MYCBP2: variants seen among roughly 807,000 people sequenced by gnomAD.
MYCBP2 encodes MYC binding protein 2.
A neutral mutation model predicts 525.3 loss-of-function variants in MYCBP2; 120 were observed. That is an observed-to-expected ratio of 0.23 (90% confidence interval 0.20 to 0.27). MYCBP2 has a LOEUF of 0.27. Ranked by LOEUF, MYCBP2 falls within the 10% of genes least tolerant of loss-of-function variation. The probability of loss-of-function intolerance (pLI) is 1.00; values close to 1 mark genes in which losing one functional copy is unlikely to be tolerated. For missense variants in MYCBP2, 4,149 were observed against 5,657.1 expected (o/e 0.73, Z 8.55); for synonymous variants, 1,894 against 1,955.8 (o/e 0.97, Z 0.83).
chr13:77,200,610 A>T (rs921910166), intron 26 of MYCBP2, among the ~76,000 whole-genome samples: 1 of 152,182 alleles, frequency 6.6e-6, no homozygotes, highest in African/African-American at 2.4e-5. Context: ...CAAAGTTGAA[A>T]TGAAGGAAAA....
chr13:77,082,931 A>G lies in MYCBP2; in HGVS notation c.11036+101T>C, dbSNP rs993159833. 1.5e-5 allele frequency: 17 copies of G among 1,170,762 alleles called. No homozygotes were observed. In the East Asian group the frequency reaches 2.2e-4, roughly 15 times the overall value. 72.5% of individuals were successfully genotyped at this position (1,170,762 alleles called of 1,614,324 possible). On this transcript the variant is annotated intron_variant, in intron 63 of 82. Coordinates refer to ENST00000544440, the MANE Select transcript of MYCBP2 (RefSeq NM_015057.5). ...ACCATCTATATAATGTAGGGATTCT[A>G]TCTTACTATTTAAAGAGCTTTTTTT...
intron 52 of MYCBP2, among the ~76,000 whole-genome samples, chr13:77,127,404 T>C (rs1284231660): frequency 6.6e-6 from 1 of 151,912 alleles, no homozygotes; most frequent in Admixed American, 6.6e-5. Flanking sequence ...ATAATAACCT[T>C]TCCATATTTT....
At chr13:77,246,662 C>A in intron 15 of MYCBP2, among the ~76,000 whole-genome samples, 4 of 133,834 alleles carry the variant, frequency 3.0e-5, no homozygotes, top group African/African-American at 2.8e-5. Context: ...GGGAGAGGGG[C>A]AGGGGGAGGC....
At chr13:77,273,407 G>A (rs1180451126) in intron 5 of MYCBP2, 65 bp downstream of exon 5, 1 of 1,417,552 alleles carries the variant, frequency 7.1e-7, no homozygotes, top group Non-Finnish European at 9.5e-7. Flanking sequence ...CCTATTGACA[G>A]AAATTGAGAC....
intron 22 of MYCBP2, 134 bp downstream of exon 22, chr13:77,211,822 C>CT (rs2064052752): frequency 1.4e-6 from 1 of 702,796 alleles, no homozygotes; most frequent in Admixed American, 2.9e-5. Flanking sequence ...CATTTACAGG[C>CT]TTTGTTTAAA....
At chr13:77,049,264 C>T (rs998120929) in intron 82 of MYCBP2, among the ~76,000 whole-genome samples, 2 of 152,018 alleles carry the variant, frequency 1.3e-5, no homozygotes, top group Non-Finnish European at 2.9e-5. Flanking sequence ...ATCATTCTGG[C>T]CTTGCTTCTT....
chr13:77,164,956 T>C (rs961108446), intron 42 of MYCBP2, among the ~76,000 whole-genome samples: 21 of 152,228 alleles, frequency 1.4e-4, no homozygotes, highest in African/African-American at 4.6e-4. Flanking sequence ...ATCCTCTTCA[T>C]GTATTAAAAG....
intron 1 of MYCBP2, among the ~76,000 whole-genome samples, chr13:77,310,397 CCTGT>C (rs563479578): frequency 1.8e-3 from 278 of 152,262 alleles, no homozygotes; most frequent in Non-Finnish European, 2.4e-3. Flanking sequence ...AAAACAGCTT[CCTGT>C]CTATCTTTGT....
chr13:77,233,041 C>T (rs1477165718), intron 18 of MYCBP2, 115 bp downstream of exon 18: 2 of 839,864 alleles, frequency 2.4e-6, no homozygotes, highest in East Asian at 4.9e-5. Context: ...CAGGCTACAT[C>T]ATGATAGAAG....
chr13:77,187,090 G>A (rs577464733), intron 30 of MYCBP2, among the ~76,000 whole-genome samples: 1 of 152,118 alleles, frequency 6.6e-6, no homozygotes, highest in African/African-American at 2.4e-5. Context: ...GATTATAGGC[G>A]TGAGCCAATG....
intron 80 of MYCBP2, among the ~76,000 whole-genome samples, chr13:77,052,999 G>A (rs1341315898): frequency 1.3e-5 from 2 of 152,162 alleles, no homozygotes; most frequent in South Asian, 2.1e-4. Flanking sequence ...TTAGCCAGGC[G>A]TGGTGGTGAG....
chr13:77,307,306 C>CT (rs540322582), intron 1 of MYCBP2, among the ~76,000 whole-genome samples: 1 of 152,122 alleles, frequency 6.6e-6, no homozygotes, highest in South Asian at 2.1e-4. Flanking sequence ...ACCCTTTATG[C>CT]TTTTTTTCTG....
intron 52 of MYCBP2, 137 bp from the exon 53 acceptor site, chr13:77,126,679 G>C: frequency 4.9e-6 from 3 of 607,188 alleles, no homozygotes; most frequent in Non-Finnish European, 5.5e-6. Context: ...GATAACTGAA[G>C]AATTAGTCAT....
intron 65 of MYCBP2, among the ~76,000 whole-genome samples, chr13:77,079,490 T>C (rs1870456783): frequency 6.6e-6 from 1 of 152,136 alleles, no homozygotes; most frequent in South Asian, 2.1e-4. Context: ...CATCAAGAAA[T>C]AGATTAACAT....
At chr13:77,289,541 G>T (rs556563939) in intron 2 of MYCBP2, among the ~76,000 whole-genome samples, 10 of 151,938 alleles carry the variant, frequency 6.6e-5, no homozygotes, top group Non-Finnish European at 1.5e-4. Context: ...GTTAGGAATA[G>T]AAGGGAATTT....
chr13:77,103,475 A>G (rs901775320), intron 55 of MYCBP2, among the ~76,000 whole-genome samples: 7 of 152,116 alleles, frequency 4.6e-5, no homozygotes, highest in Admixed American at 2.6e-4. Flanking sequence ...ACATTTCTCT[A>G]AAACTGAAAA....
In MYCBP2 at chr13:77,194,207, G is replaced by A. The variant is rs755793436; in HGVS notation, c.3881C>T (p.Thr1294Ile). ...ELGPDGGDHE[T>I]DGDLLAETDV... ...AGTCTCTGCAAGAAGGTCACCATCAGTTTCATGATCTCCTCCATCAGGACC... is the reference window on the plus strand; with the variant it reads ...AGTCTCTGCAAGAAGGTCACCATCAATTTCATGATCTCCTCCATCAGGACC... The change falls in exon 27 of 83, where the codon ACT becomes ATT. Residue 1294 changes from threonine (T) to isoleucine (I), a missense_variant. Transcript: ENST00000544440. 1.9e-5 allele frequency: 30 copies of A among 1,613,414 alleles called. No homozygotes were observed. The highest frequency in any genetic ancestry group is 2.5e-5 in the Non-Finnish European group (29 of 1,179,648).
intron 20 of MYCBP2, among the ~76,000 whole-genome samples, chr13:77,221,722 CCCT>C (rs2065608206): frequency 6.6e-6 from 1 of 152,122 alleles, no homozygotes; most frequent in South Asian, 2.1e-4. Flanking sequence ...TACAAATAAA[CCCT>C]CTTCTTCTGT....
intron 18 of MYCBP2, among the ~76,000 whole-genome samples, chr13:77,231,342 T>C (rs917856921): frequency 7.2e-5 from 11 of 152,206 alleles, no homozygotes; most frequent in African/African-American, 1.7e-4. Context: ...ATTGTTCTCA[T>C]GCCTCAGCTT....
Sources: allele counts gnomAD v4.1 joint callset (sites outside exome capture counted in the v4.1 genomes callset), GRCh38; gene constraint gnomAD v4.1.1; transcripts MANE v1.5; gene names NCBI Gene and HGNC (gene_info 2026-07-23, HGNC 2026-07-21).